The following CNKSR2 variants were observed in gnomAD, a reference collection of about 807,000 sequenced individuals.
CNKSR2 encodes the protein CNK homolog protein 2.
CNKSR2 carries 14 observed loss-of-function variants against 84.4 expected under a neutral mutation model. The observed-to-expected ratio is 0.17, with a 90% CI of 0.11 to 0.26. The LOEUF (loss-of-function observed/expected upper bound fraction) is 0.26. Among genes scored for constraint, CNKSR2 ranks in the 10% least tolerant of loss-of-function variants. CNKSR2 has a pLI of 1.00. For missense variants in CNKSR2, 485 were observed against 771.2 expected (o/e 0.63, Z 4.40); for synonymous variants, 275 against 277.9 (o/e 0.99, Z 0.10).
At chrX:21,624,315 A>C (rs764139173) in intron 20 of CNKSR2, among the ~76,000 whole-genome samples, 133 of 111,890 alleles carry the variant, frequency 1.2e-3, no homozygotes, top group Non-Finnish European at 1.9e-3. Context: ...CAGCAATCAT[A>C]AACTGGACTG....
chrX:21,650,718 G>A (rs1179960775), intron 21 of CNKSR2, among the ~76,000 whole-genome samples: 8 of 112,023 alleles, frequency 7.1e-5, no homozygotes, highest in African/African-American at 2.3e-4. Context: ...GAGTACCAAA[G>A]AGACAGACAA....
chrX:21,641,687 T>C, intron 20 of CNKSR2: 1 of 1,100,487 alleles, frequency 9.1e-7, no homozygotes, highest in Admixed American at 3.2e-5. Flanking sequence ...CATCAACCTC[T>C]TGCAAGCAAC....
At chrX:21,537,375 G>C (rs1043349088) in intron 11 of CNKSR2, among the ~76,000 whole-genome samples, 2 of 111,304 alleles carry the variant, frequency 1.8e-5, no homozygotes, top group Non-Finnish European at 3.8e-5. Flanking sequence ...TGTCTGTTAG[G>C]TCCATTTAGT....
At chrX:21,591,918 A>C (rs781432583) in intron 15 of CNKSR2, 1 of 111,816 alleles carries the variant, frequency 8.9e-6, no homozygotes, top group Non-Finnish European at 1.9e-5. Flanking sequence ...TAGTTTTTTA[A>C]AACAATGATT....
intron 6 of CNKSR2, chrX:21,493,334 G>T (rs2091461653): frequency 8.9e-6 from 1 of 112,260 alleles, no homozygotes; most frequent in African/African-American, 3.2e-5. Flanking sequence ...AGGGACTGGG[G>T]TCATCCCTGG....
chrX:21,492,346 C>T (rs2091450751), intron 6 of CNKSR2: 1 of 110,955 alleles, frequency 9.0e-6, no homozygotes, highest in Non-Finnish European at 1.9e-5. Context: ...TAGGAGAGAG[C>T]TAGAAGAGAA....
chrX:21,595,029 G>T lies in CNKSR2; in HGVS notation c.1886G>T (p.Ser629Ile). The T allele has an allele frequency of 8.3e-7, 1 of 1,198,210 alleles. No individual in the cohort carries two copies. The highest frequency in any genetic ancestry group is 1.1e-6 in the Non-Finnish European group (1 of 884,509). ...CCTGAATTTAAAATTGATAGAGCCAGTGAATGCCGCAAAAAATAGTAAGTT... is the reference window on the plus strand; with the variant it reads ...CCTGAATTTAAAATTGATAGAGCCATTGAATGCCGCAAAAAATAGTAAGTT... ...SLPEFKIDRA[S>I]ECRKKYAFKA... The change falls in exon 16 of 22, where the codon AGT (serine) becomes ATT (isoleucine). Residue 629 changes from serine to isoleucine, a missense_variant. Ser to Ile is a moderately radical substitution (Grantham distance 142). Coordinates refer to ENST00000379510, the MANE Select transcript of CNKSR2 (RefSeq NM_014927.5).
intron 20 of CNKSR2, among the ~76,000 whole-genome samples, chrX:21,623,183 T>C (rs1459907246): frequency 8.9e-6 from 1 of 111,740 alleles, no homozygotes; most frequent in Non-Finnish European, 1.9e-5. Flanking sequence ...CTAAGAATTA[T>C]CATTTCTATA....
rs532109603 is a variant in CNKSR2, at chrX:21,526,503, T to C, written c.958-364T>C. On this transcript the variant is annotated intron_variant, in intron 9 of 21. Transcript: ENST00000379510. ...GAGTTACTCATCATTATTGTTCTTT[T>C]AAAGGTGGGATTCTGACAAAGTTAA... Among the ~76,000 whole-genome samples, 11 of 111,311 alleles carry C rather than the reference T, an allele frequency of 9.9e-5. No individual in the cohort carries two copies. The South Asian group carries it at 4.1e-3, about 42-fold the overall frequency.
Position 21,378,535 on chromosome X carries a change from A to T in CNKSR2, c.64+3574A>T, listed in dbSNP as rs1387949133. On this transcript the variant is annotated intron_variant, in intron 1 of 21. Transcript: ENST00000379510. ...AATTTGCAGTTATTTGAGTCCCCAG[A>T]CCATCTCTACTTTTTTGCCCACTGA... 4.5e-5 allele frequency among the ~76,000 whole-genome samples: 5 copies of T among 111,266 alleles called. No individual in the cohort carries two copies. The East Asian group carries it at 1.1e-3, about 25-fold the overall frequency.
chrX:21,386,018 C>CAAAAAAAAAAAAAAA (rs1179082753), intron 1 of CNKSR2, among the ~76,000 whole-genome samples: 1 of 20,457 alleles, frequency 4.9e-5, no homozygotes, highest in African/African-American at 1.5e-4. Context: ...TGGATGTAGG[C>CAAAAAAAAAAAAAAA]AAAAAAAAAA....
intron 11 of CNKSR2, among the ~76,000 whole-genome samples, chrX:21,542,234 G>A (rs1455792876): frequency 8.9e-6 from 1 of 112,563 alleles, no homozygotes; most frequent in Admixed American, 9.4e-5. Flanking sequence ...AAGCAATCTA[G>A]ATTAGTAGTT....
intron 12 of CNKSR2, among the ~76,000 whole-genome samples, chrX:21,562,267 G>A (rs1225808790): frequency 9.0e-6 from 1 of 111,110 alleles, no homozygotes; most frequent in Non-Finnish European, 1.9e-5. Flanking sequence ...CTGAAGTAGA[G>A]AGCCGTAAGG....
At chrX:21,638,666 T>A (rs1002282384) in intron 20 of CNKSR2, among the ~76,000 whole-genome samples, 2 of 111,959 alleles carry the variant, frequency 1.8e-5, no homozygotes, top group Non-Finnish European at 1.9e-5. Context: ...ACAGAAGCAT[T>A]ACTGATTTTC....
At chrX:21,499,403 T>A (rs1402328526) in intron 7 of CNKSR2, among the ~76,000 whole-genome samples, 1 of 111,266 alleles carries the variant, frequency 9.0e-6, no homozygotes, top group Non-Finnish European at 1.9e-5. Context: ...GAATAGTAAA[T>A]ACTGCCAAGT....
chrX:21,568,888 T>C (rs890381057), intron 13 of CNKSR2, among the ~76,000 whole-genome samples: 1 of 111,219 alleles, frequency 9.0e-6, no homozygotes, highest in Non-Finnish European at 1.9e-5. Flanking sequence ...AAAAATAGCA[T>C]AATTTAACAG....
chrX:21,457,378 T>C (rs1216354744), intron 4 of CNKSR2, among the ~76,000 whole-genome samples: 1 of 111,570 alleles, frequency 9.0e-6, no homozygotes, highest in Non-Finnish European at 1.9e-5. Context: ...TTTCTACCCT[T>C]GTATCTTTTG....
At chrX:21,603,949 A>T (rs1478160742) in intron 18 of CNKSR2, among the ~76,000 whole-genome samples, 4 of 111,910 alleles carry the variant, frequency 3.6e-5, no homozygotes, top group African/African-American at 1.3e-4. Context: ...TTGCTTATAA[A>T]ATTGCGTATC....
At chrX:21,503,108 T>C (rs2091576068) in intron 8 of CNKSR2, 1 of 276,781 alleles carries the variant, frequency 3.6e-6, no homozygotes, top group East Asian at 5.1e-5. Context: ...AGGATATTGT[T>C]TGTGGAACAA....
Sources: gnomAD v4.1 joint callset for allele counts (sites outside exome capture counted in the v4.1 genomes callset) on GRCh38, gnomAD v4.1.1 for gene constraint, MANE v1.5 for transcripts, NCBI Gene and HGNC (gene_info 2026-07-23, HGNC 2026-07-21) for gene names.